The following EXOC6B variants were observed in gnomAD, a reference collection of about 807,000 sequenced individuals.
EXOC6B encodes the protein exocyst complex component 6B.
Under a neutral mutation model 113.5 loss-of-function variants are expected in EXOC6B, and 54 were observed. The ratio of observed to expected loss-of-function variants is 0.48; its 90% CI spans 0.38 to 0.60. EXOC6B has a LOEUF of 0.60. Among genes scored for constraint, EXOC6B ranks in the 20% least tolerant of loss-of-function variants. The probability of loss-of-function intolerance (pLI) is 0.00; values close to 1 mark genes in which losing one functional copy is unlikely to be tolerated. For synonymous variants in EXOC6B, 357 were observed against 339.0 expected (o/e 1.05, Z -0.58); for missense variants, 797 against 977.5 (o/e 0.82, Z 2.46).
intron 18 of EXOC6B, among the ~76,000 whole-genome samples, chr2:72,408,250 T>G (rs1327310452): frequency 4.6e-5 from 7 of 152,180 alleles, no homozygotes; most frequent in Non-Finnish European, 1.5e-5. Flanking sequence ...TCCATGCTCA[T>G]GGGTAGGAAG....
chr2:72,337,645 T>C (rs1392117567), intron 19 of EXOC6B, among the ~76,000 whole-genome samples: 1 of 152,218 alleles, frequency 6.6e-6, no homozygotes, highest in Non-Finnish European at 1.5e-5. Flanking sequence ...TAATGGCCTT[T>C]TAAGTTTGAT....
At chr2:72,483,994 A>G (rs1314148272) in intron 16 of EXOC6B, among the ~76,000 whole-genome samples, 1 of 152,248 alleles carries the variant, frequency 6.6e-6, no homozygotes, top group East Asian at 1.9e-4. Flanking sequence ...AAAGAACATT[A>G]TAAATCAAAC....
chr2:72,761,294 T>C (rs1413315739), intron 1 of EXOC6B, among the ~76,000 whole-genome samples: 1 of 152,234 alleles, frequency 6.6e-6, no homozygotes, highest in Non-Finnish European at 1.5e-5. Flanking sequence ...ATAACTTCTT[T>C]AGAGAATCTG....
intron 20 of EXOC6B, among the ~76,000 whole-genome samples, chr2:72,216,038 A>C (rs1324226417): frequency 6.6e-6 from 1 of 152,142 alleles, no homozygotes; most frequent in Non-Finnish European, 1.5e-5. Context: ...AGAAAAAGGA[A>C]CTGGGTCCAG....
intron 13 of EXOC6B, among the ~76,000 whole-genome samples, chr2:72,497,736 G>A (rs1277330386): frequency 1.3e-5 from 2 of 152,104 alleles, no homozygotes; most frequent in Non-Finnish European, 2.9e-5. Context: ...AGTTTGAAAA[G>A]AGGACAAACT....
chr2:72,617,963 G>A (rs766653496), intron 6 of EXOC6B, among the ~76,000 whole-genome samples: 3 of 152,112 alleles, frequency 2.0e-5, no homozygotes, highest in Non-Finnish European at 4.4e-5. Context: ...TTGCCTCTTA[G>A]TTGTTCAGTA....
chr2:72,670,837 C>T (rs1255513360), intron 6 of EXOC6B, among the ~76,000 whole-genome samples: 2 of 152,054 alleles, frequency 1.3e-5, no homozygotes, highest in African/African-American at 4.8e-5. Context: ...GTGCTCAGTC[C>T]TTGGAGTTCT....
chr2:72,394,334 A>G (rs1362723213), intron 18 of EXOC6B, among the ~76,000 whole-genome samples: 2 of 152,102 alleles, frequency 1.3e-5, no homozygotes, highest in African/African-American at 4.8e-5. Context: ...CCTGTTCTGA[A>G]GCAAATCAAG....
At chr2:72,808,720 C>A (rs1370678708) in intron 1 of EXOC6B, among the ~76,000 whole-genome samples, 1 of 152,082 alleles carries the variant, frequency 6.6e-6, no homozygotes, top group Non-Finnish European at 1.5e-5. Flanking sequence ...GAGATCAGGG[C>A]AGCAGTGAGC....
chr2:72,797,914 A>G (rs553260770), intron 1 of EXOC6B, among the ~76,000 whole-genome samples: 148 of 152,234 alleles, frequency 9.7e-4, no homozygotes, highest in African/African-American at 3.5e-3. Context: ...CACTCAAAAA[A>G]GGGATGATGC....
intron 8 of EXOC6B, among the ~76,000 whole-genome samples, chr2:72,518,019 AT>A (rs1472643392): frequency 2.0e-5 from 3 of 152,134 alleles, no homozygotes; most frequent in Non-Finnish European, 4.4e-5. Context: ...ACCTTTCATT[AT>A]TCTATTCCCT....
intron 20 of EXOC6B, among the ~76,000 whole-genome samples, chr2:72,250,128 G>C (rs1682917335): frequency 6.6e-6 from 1 of 152,154 alleles, no homozygotes; most frequent in Non-Finnish European, 1.5e-5. Flanking sequence ...GTAACACAAA[G>C]CTTAAATGAC....
intron 1 of EXOC6B, among the ~76,000 whole-genome samples, chr2:72,808,039 T>C (rs913977274): frequency 6.6e-6 from 1 of 152,206 alleles, no homozygotes; most frequent in African/African-American, 2.4e-5. Context: ...ACACATTGCA[T>C]GTCTGTGTCA....
At chr2:72,764,342 T>C (rs1682929615) in intron 1 of EXOC6B, among the ~76,000 whole-genome samples, 1 of 150,734 alleles carries the variant, frequency 6.6e-6, no homozygotes, top group African/African-American at 2.4e-5. Flanking sequence ...AAATGAAGCA[T>C]TACCTCTCCC....
At chr2:72,531,463 C>T (rs1438828074) in intron 8 of EXOC6B, among the ~76,000 whole-genome samples, 3 of 152,190 alleles carry the variant, frequency 2.0e-5, no homozygotes, top group Non-Finnish European at 4.4e-5. Flanking sequence ...ATAGAACACT[C>T]TTAACAACTG....
At chr2:72,548,912 A>G (rs868102229) in intron 8 of EXOC6B, among the ~76,000 whole-genome samples, 2 of 152,196 alleles carry the variant, frequency 1.3e-5, no homozygotes, top group South Asian at 2.1e-4. Context: ...TGACACAAGT[A>G]AAAAATAAAT....
chr2:72,244,370 A>G (rs923142615), intron 20 of EXOC6B, among the ~76,000 whole-genome samples: 5 of 152,188 alleles, frequency 3.3e-5, no homozygotes, highest in Non-Finnish European at 7.4e-5. Context: ...AAATGAAAAT[A>G]CAACTCATTA....
intron 8 of EXOC6B, among the ~76,000 whole-genome samples, chr2:72,535,654 C>G (rs1702247525): frequency 6.6e-6 from 1 of 151,996 alleles, no homozygotes; most frequent in African/African-American, 2.4e-5. Context: ...AGGCGGATCA[C>G]CTGAGGTCGA....
At chr2:72,643,072 C>T (rs1343857780) in intron 6 of EXOC6B, among the ~76,000 whole-genome samples, 3 of 152,014 alleles carry the variant, frequency 2.0e-5, no homozygotes, top group African/African-American at 7.2e-5. Flanking sequence ...GATACCATCT[C>T]ACACCAGTTA....
Sources: gnomAD v4.1 joint callset for allele counts (sites outside exome capture counted in the v4.1 genomes callset) on GRCh38, gnomAD v4.1.1 for gene constraint, MANE v1.5 for transcripts, NCBI Gene and HGNC (gene_info 2026-07-23, HGNC 2026-07-21) for gene names.